ZNF148: variants seen among roughly 807,000 people sequenced by gnomAD.
ZNF148 encodes zinc finger protein 148.
A neutral mutation model predicts 67.7 loss-of-function variants in ZNF148; 7 were observed. The ratio of observed to expected loss-of-function variants is 0.10; its 90% CI spans 0.06 to 0.19. ZNF148 has a LOEUF of 0.19. ZNF148 is among the 10% of genes least tolerant of loss of function. The pLI is 1.00. For synonymous variants in ZNF148, 333 were observed against 330.7 expected, an observed-to-expected ratio of 1.01 and a Z score of -0.08; for missense variants, 583 against 947.1, an observed-to-expected ratio of 0.62 and a Z score of 5.05.
chr3:125,232,109 C>T lies in ZNF148; in HGVS notation c.*232G>A. The T allele has an allele frequency of 2.4e-6, 1 of 419,602 alleles. No homozygotes were observed. The highest frequency in any genetic ancestry group is 3.6e-5 in the East Asian group (1 of 27,454). The allele number at this position is 419,602 out of a possible 1,614,324, so 26.0% of individuals were successfully genotyped here. On this transcript the variant is annotated 3_prime_UTR_variant, in exon 9 of 9. Coordinates refer to ENST00000360647, the MANE Select transcript of ZNF148 (RefSeq NM_021964.3). This position sits in a 1 kb window ranked among gnomAD's most constrained non-coding sequence, Gnocchi z 4.2. ...GTGGGTGGAATAGCAAGTTTCTGATCTAAAACAAGTAATGCATTGCTTCTA... is the reference window on the plus strand; with the variant it reads ...GTGGGTGGAATAGCAAGTTTCTGATTTAAAACAAGTAATGCATTGCTTCTA...
chr3:125,265,121 G>T (rs1937506601), intron 7 of ZNF148, among the ~76,000 whole-genome samples: 2 of 152,188 alleles, frequency 1.3e-5, no homozygotes, highest in South Asian at 4.1e-4. Flanking sequence ...CTTTTATTCT[G>T]CTAAGATAGT....
At chr3:125,306,702 T>A (rs1939896447) in intron 4 of ZNF148, among the ~76,000 whole-genome samples, 1 of 151,856 alleles carries the variant, frequency 6.6e-6, no homozygotes, top group East Asian at 1.9e-4. Flanking sequence ...CAAAAAAAAT[T>A]TTTTCTAATT....
At chr3:125,356,716 G>A (rs1942354268) in intron 1 of ZNF148, among the ~76,000 whole-genome samples, 1 of 152,122 alleles carries the variant, frequency 6.6e-6, no homozygotes, top group Non-Finnish European at 1.5e-5. Context: ...TTAAATGCAA[G>A]CTGTTGGAAA....
rs887742438 is a variant in ZNF148 at position 125,375,186 on chromosome 3, G to T, written c.-318C>A. 4 of 152,462 alleles carry T rather than the reference G, an allele frequency of 2.6e-5. No homozygotes were observed. Among genetic ancestry groups the T allele is most frequent in the South Asian group, 2.1e-4 (1 of 4,840 alleles). 9.4% of individuals were successfully genotyped at this position (152,462 alleles called of 1,614,324 possible). ...CTAGGGGCCTTGAGAGGAGGGGAAG[G>T]GGGGAGGGGGGAGAACTTTTGCTGT... is the stretch of plus-strand genomic sequence containing the variant. On this transcript the variant is annotated 5_prime_UTR_variant, in exon 1 of 9. Coordinates refer to ENST00000360647, the MANE Select transcript of ZNF148 (RefSeq NM_021964.3).
At chr3:125,309,479 T>C (rs1184487832) in intron 4 of ZNF148, among the ~76,000 whole-genome samples, 5 of 152,102 alleles carry the variant, frequency 3.3e-5, no homozygotes, top group African/African-American at 9.7e-5. Context: ...AATAATATTA[T>C]AGGCATATAC....
At chr3:125,343,373 A>G (rs1338732670) in intron 1 of ZNF148, among the ~76,000 whole-genome samples, 1 of 152,128 alleles carries the variant, frequency 6.6e-6, no homozygotes, top group East Asian at 1.9e-4. Flanking sequence ...GGGACTAGGG[A>G]CTTGGAGAAC....
At chr3:125,345,599 C>CAAAA (rs143991806) in intron 1 of ZNF148, among the ~76,000 whole-genome samples, 7 of 151,086 alleles carry the variant, frequency 4.6e-5, no homozygotes, top group African/African-American at 1.5e-4. Context: ...ACAACAACAA[C>CAAAA]AAAAAAAGAC....
intron 7 of ZNF148, among the ~76,000 whole-genome samples, chr3:125,251,874 G>C (rs558684302): frequency 6.6e-6 from 1 of 152,164 alleles, no homozygotes; most frequent in Non-Finnish European, 1.5e-5. Context: ...ACAGATTACC[G>C]AAGTGGATGC....
At chr3:125,255,916 C>T (rs1392904485) in intron 7 of ZNF148, among the ~76,000 whole-genome samples, 1 of 151,860 alleles carries the variant, frequency 6.6e-6, no homozygotes, top group Non-Finnish European at 1.5e-5. Context: ...AAATGATGTG[C>T]CTCCTTGGTT....
At chr3:125,365,711 G>A (rs914101308) in intron 1 of ZNF148, among the ~76,000 whole-genome samples, 1 of 152,136 alleles carries the variant, frequency 6.6e-6, no homozygotes, top group Non-Finnish European at 1.5e-5. Context: ...CCAGGTACTC[G>A]GAAGGCTGAG....
At chr3:125,319,232 G>C (rs1463911284) in intron 3 of ZNF148, among the ~76,000 whole-genome samples, 1 of 152,132 alleles carries the variant, frequency 6.6e-6, no homozygotes, top group African/African-American at 2.4e-5. Flanking sequence ...TCAATTATGT[G>C]TAAGTAATTA....
chr3:125,358,038 G>T (rs112685922), intron 1 of ZNF148, among the ~76,000 whole-genome samples: 9 of 152,248 alleles, frequency 5.9e-5, no homozygotes, highest in African/African-American at 1.4e-4. Flanking sequence ...TCGGACCGGC[G>T]CGGGGACTCA....
In ZNF148 at chr3:125,257,558, T is replaced by TAAAAAA. The variant is rs747363908; in HGVS notation, c.667+20162_667+20167dup. Among the ~76,000 whole-genome samples, 308 of 92,294 alleles carry TAAAAAA rather than the reference T, an allele frequency of 3.3e-3. 2 individuals carry two copies. Among genetic ancestry groups the TAAAAAA allele is most frequent in the African/African-American group, 0.013 (284 of 21,684 alleles). 60.5% of individuals were successfully genotyped at this position (92,294 alleles called of 152,430 possible). ...CGACAGAGCGAGACTCCGTCTCTAT[T>TAAAAAA]AAAAAAAAAAAAAAAAAAAAAAAGT... On this transcript the variant is annotated intron_variant, in intron 7 of 8. Coordinates refer to ENST00000360647, the MANE Select transcript of ZNF148 (RefSeq NM_021964.3).
intron 1 of ZNF148, among the ~76,000 whole-genome samples, chr3:125,373,033 A>G (rs1378979000): frequency 1.3e-5 from 2 of 152,128 alleles, no homozygotes; most frequent in African/African-American, 4.8e-5. Context: ...ATTTAAGTGC[A>G]TTCTGCTTAC....
intron 4 of ZNF148, among the ~76,000 whole-genome samples, chr3:125,300,501 G>A (rs1939529196): frequency 6.6e-6 from 1 of 152,088 alleles, no homozygotes; most frequent in South Asian, 2.1e-4. Context: ...TATACCAATG[G>A]CCAAATATGT....
intron 7 of ZNF148, among the ~76,000 whole-genome samples, chr3:125,255,638 C>A (rs182869317): frequency 6.6e-6 from 1 of 151,908 alleles, no homozygotes; most frequent in Non-Finnish European, 1.5e-5. Flanking sequence ...CTGCTGGGAA[C>A]AAATTTACTC....
chr3:125,266,026 C>G (rs753683921), intron 7 of ZNF148, among the ~76,000 whole-genome samples: 1 of 152,042 alleles, frequency 6.6e-6, no homozygotes, highest in Non-Finnish European at 1.5e-5. Context: ...ACTTAACTAT[C>G]CTAAATATAT....
intron 1 of ZNF148, among the ~76,000 whole-genome samples, chr3:125,366,754 C>G (rs1371896548): frequency 6.6e-6 from 1 of 152,182 alleles, no homozygotes; most frequent in African/African-American, 2.4e-5. Context: ...GGCTTCTCAC[C>G]TCCAAGCCTT....
At chr3:125,254,770 C>T (rs370749183) in intron 7 of ZNF148, among the ~76,000 whole-genome samples, 19 of 152,164 alleles carry the variant, frequency 1.2e-4, no homozygotes, top group African/African-American at 3.9e-4. Flanking sequence ...AGAAGCATGC[C>T]ATACGGTTCT....
Sources: allele counts gnomAD v4.1 joint callset (sites outside exome capture counted in the v4.1 genomes callset), GRCh38; gene constraint gnomAD v4.1.1; non-coding constraint Gnocchi (gnomAD v3.1); transcripts MANE v1.5; gene names NCBI Gene and HGNC (gene_info 2026-07-23, HGNC 2026-07-21).